PHLDB2: variants seen among roughly 807,000 people sequenced by gnomAD.
PHLDB2 encodes the protein pleckstrin homology-like domain family B member 2.
A neutral mutation model predicts 123.6 loss-of-function variants in PHLDB2; 71 were observed. The observed-to-expected ratio is 0.57, with a 90% confidence interval of 0.47 to 0.70. The LOEUF is 0.70. Ranked by LOEUF, PHLDB2 falls within the 30% of genes least tolerant of loss-of-function variation. The pLI is 0.00. For missense variants in PHLDB2, 1,446 were observed against 1,519.5 expected (o/e 0.95, Z 0.80); for synonymous variants, 547 against 541.6 (o/e 1.01, Z -0.14).
chr3:111,892,845 T>C (rs995030020), intron 2 of PHLDB2, among the ~76,000 whole-genome samples: 1 of 152,236 alleles, frequency 6.6e-6, no homozygotes, highest in Non-Finnish European at 1.5e-5. Context: ...TTGAGCATAT[T>C]TGTTTAAGGA....
At chr3:111,851,631 T>A (rs2108607496) in intron 2 of PHLDB2, among the ~76,000 whole-genome samples, 1 of 152,302 alleles carries the variant, frequency 6.6e-6, no homozygotes, top group South Asian at 2.1e-4. Context: ...AGCTCATATT[T>A]CTTTTTCACC....
chr3:111,920,295 G>A lies in PHLDB2; in HGVS notation c.1877G>A (p.Cys626Tyr). The change falls in exon 5 of 18, where the codon TGT becomes TAT. Residue 626 changes from cysteine to tyrosine, a missense_variant. Transcript: ENST00000431670. ...DESFRELDME[C>Y]ALLDGEQKSE... is the part of the protein sequence containing the mutation. The stretch of plus-strand genomic sequence containing the variant: ...TTGTGTCCTTAGTTGGATATGGAAT[G>A]TGCTCTTTTGGATGGAGAACAGAAA... The A allele has an allele frequency of 6.2e-7, 1 of 1,613,682 alleles. No homozygotes were observed. The highest frequency in any genetic ancestry group is 8.5e-7 in the Non-Finnish European group (1 of 1,179,856).
intron 16 of PHLDB2, 114 bp downstream of exon 16, chr3:111,970,023 G>T (rs1445217122): frequency 2.3e-6 from 2 of 877,384 alleles, no homozygotes; most frequent in African/African-American, 3.4e-5. Context: ...CAGAATTAAT[G>T]GCAATATTAG....
At chr3:111,783,362 C>T (rs1304121412) in intron 1 of PHLDB2, among the ~76,000 whole-genome samples, 1 of 151,970 alleles carries the variant, frequency 6.6e-6, no homozygotes, top group Non-Finnish European at 1.5e-5. Context: ...TAGAATTAAG[C>T]TCTATTTATC....
intron 16 of PHLDB2, among the ~76,000 whole-genome samples, chr3:111,973,502 G>C (rs1045293245): frequency 6.6e-6 from 1 of 152,090 alleles, no homozygotes; most frequent in African/African-American, 2.4e-5. Flanking sequence ...GAGAGCCTTA[G>C]GCAAAGTCAT....
chr3:111,913,344 T>G lies in PHLDB2; in HGVS notation c.1361T>G (p.Leu454Arg). The G allele has an allele frequency of 1.2e-6, 2 of 1,606,842 alleles. No homozygotes were observed. Among genetic ancestry groups the G allele is most frequent in the African/African-American group, 2.7e-5 (2 of 74,786 alleles). The change falls in exon 3 of 18, where the codon CTC becomes CGC. Residue 454 changes from leucine (L) to arginine (R), a missense_variant. By Grantham distance (102) the Leu-to-Arg change is moderately radical. Coordinates refer to ENST00000431670, the MANE Select transcript of PHLDB2 (RefSeq NM_001134438.2). ...RLERQRLETI[L>R]SLCAEYTKPD... Reference sequence around the variant, plus strand: ...GAGAGACAGCGTCTGGAGACCATCCTCAGTCTCTGTGCTGAATACACAAAG... The same window carrying G: ...GAGAGACAGCGTCTGGAGACCATCCGCAGTCTCTGTGCTGAATACACAAAG...
intron 1 of PHLDB2, among the ~76,000 whole-genome samples, chr3:111,780,402 A>AGAAGAAGAAGAAGAAGAAGAAG (rs751320904): frequency 6.9e-6 from 1 of 145,814 alleles, no homozygotes; most frequent in Non-Finnish European, 1.5e-5. Flanking sequence ...AAGAAGAAGA[A>AGAAGAAGAAGAAGAAGAAGAAG]GAAGAAGAAA....
At chr3:111,812,436 A>G (rs2061882971) in intron 1 of PHLDB2, among the ~76,000 whole-genome samples, 2 of 152,234 alleles carry the variant, frequency 1.3e-5, no homozygotes, top group African/African-American at 4.8e-5. Flanking sequence ...CAAATGAAAC[A>G]TAAGTTTATG....
intron 1 of PHLDB2, among the ~76,000 whole-genome samples, chr3:111,813,992 A>C (rs1385188645): frequency 6.6e-6 from 1 of 152,184 alleles, no homozygotes; most frequent in African/African-American, 2.4e-5. Flanking sequence ...TAAGAGGGAG[A>C]TCTTAATTCA....
intron 6 of PHLDB2, among the ~76,000 whole-genome samples, chr3:111,933,638 A>C (rs1279846924): frequency 2.0e-5 from 3 of 152,184 alleles, no homozygotes; most frequent in African/African-American, 4.8e-5. Flanking sequence ...TGTTGTAAGA[A>C]GATAAAACTT....
chr3:111,930,641 A>G (rs914129387), intron 5 of PHLDB2, among the ~76,000 whole-genome samples: 3 of 152,198 alleles, frequency 2.0e-5, no homozygotes, highest in Non-Finnish European at 4.4e-5. Flanking sequence ...ACTAAAGACT[A>G]AATCTAACGG....
intron 7 of PHLDB2, among the ~76,000 whole-genome samples, 181 bp from the exon 8 acceptor site, chr3:111,940,354 G>A (rs6763881): frequency 0.3 from 45,947 of 151,974 alleles, 7,446 homozygotes; most frequent in Middle Eastern, 0.41. Flanking sequence ...AGAAAGTATT[G>A]AGGCTGACAG....
intron 2 of PHLDB2, among the ~76,000 whole-genome samples, chr3:111,896,325 T>C (rs2066862951): frequency 6.8e-6 from 1 of 147,050 alleles, no homozygotes; most frequent in Admixed American, 7.0e-5. Flanking sequence ...ATAGGTTTAG[T>C]GATTGTGCTG....
chr3:111,801,524 A>G (rs2061377416), intron 1 of PHLDB2, among the ~76,000 whole-genome samples: 1 of 152,238 alleles, frequency 6.6e-6, no homozygotes, highest in Non-Finnish European at 1.5e-5. Flanking sequence ...TCATGTCACA[A>G]ATATGAATAA....
intron 10 of PHLDB2, among the ~76,000 whole-genome samples, chr3:111,951,808 C>G (rs954859619): frequency 6.6e-6 from 1 of 151,638 alleles, no homozygotes; most frequent in Non-Finnish European, 1.5e-5. Context: ...GGTTTGGTTA[C>G]GTGGATAAGT....
chr3:111,767,713 T>C (rs1043923604), intron 1 of PHLDB2, among the ~76,000 whole-genome samples: 3 of 152,242 alleles, frequency 2.0e-5, no homozygotes, highest in African/African-American at 7.2e-5. Flanking sequence ...ATTGTTCTCA[T>C]TCTCAACAGC....
chr3:111,883,069 T>C (rs1282450831), intron 1 of PHLDB2, among the ~76,000 whole-genome samples: 1 of 152,222 alleles, frequency 6.6e-6, no homozygotes, highest in African/African-American at 2.4e-5. Context: ...TAGTGGTTCA[T>C]GAGTTCAGTG....
chr3:111,859,033 T>A (rs1239834938), upstream of PHLDB2: 6 of 257,392 alleles, frequency 2.3e-5, no homozygotes, highest in Non-Finnish European at 1.2e-5. Flanking sequence ...AGAATGAGTT[T>A]AAAACCCTCC....
chr3:111,885,194 TCAGA>T lies in PHLDB2; in HGVS notation c.1122_1125del (p.Asp374GlufsTer51), dbSNP rs2066093523. ...GAGTCATTCACTTCTTGCTGGAGAGTCAGACAGAGTTTTTGCGACCAGGAGGAAC... is the reference window on the plus strand; with the variant it reads ...GAGTCATTCACTTCTTGCTGGAGAGTCAGAGTTTTTGCGACCAGGAGGAAC... On this transcript the variant is annotated frameshift_variant, in exon 2 of 18. Transcript: ENST00000431670. LOFTEE classifies it high-confidence loss of function. 2 of 1,613,796 alleles carry T rather than the reference TCAGA, an allele frequency of 1.2e-6. No homozygotes were observed. The highest frequency in any genetic ancestry group is 1.7e-6 in the Non-Finnish European group (2 of 1,179,952).
Sources: gnomAD v4.1 joint callset for allele counts (sites outside exome capture counted in the v4.1 genomes callset) on GRCh38, gnomAD v4.1.1 for gene constraint, MANE v1.5 for transcripts, NCBI Gene and HGNC (gene_info 2026-07-23, HGNC 2026-07-21) for gene names.